HMGCLL1: variants seen among roughly 807,000 people sequenced by gnomAD.
HMGCLL1 encodes 3-hydroxy-3-methylglutaryl-CoA lyase like 1, also known as 3-hydroxymethyl-3-methylglutaryl-CoA lyase, cytoplasmic.
A neutral mutation model predicts 39.1 loss-of-function variants in HMGCLL1; 36 were observed. That is an observed-to-expected ratio of 0.92 (90% CI 0.71 to 1.22). The LOEUF (loss-of-function observed/expected upper bound fraction) is 1.22, where lower values mean the gene tolerates loss of function less well. Among genes scored for constraint, HMGCLL1 ranks in the 50% most tolerant of loss-of-function variants. The pLI is 0.00. For missense variants in HMGCLL1, 451 were observed against 416.5 expected (o/e 1.08, Z -0.72); for synonymous variants, 149 against 144.0 (o/e 1.03, Z -0.25).
At chr6:55,595,159 C>T in the HMGCLL1 span, among the ~76,000 whole-genome samples, 11 of 152,264 alleles carry the variant, frequency 7.2e-5, no homozygotes, top group Non-Finnish European at 1.2e-4. Flanking sequence ...GTACTGACCA[C>T]GTGAAAATCA....
chr6:55,519,762 AG>A (rs1232214194), intron 3 of HMGCLL1, among the ~76,000 whole-genome samples: 1 of 152,130 alleles, frequency 6.6e-6, no homozygotes, highest in African/African-American at 2.4e-5. Context: ...TGATAACAAA[AG>A]TTAATAAAGA....
intron 3 of HMGCLL1, among the ~76,000 whole-genome samples, chr6:55,520,009 A>G (rs2127440686): frequency 6.7e-6 from 1 of 149,834 alleles, no homozygotes; most frequent in African/African-American, 2.4e-5. Flanking sequence ...AAGAAAACCA[A>G]ACACCACATG....
intron 6 of HMGCLL1, among the ~76,000 whole-genome samples, chr6:55,498,660 G>A (rs534280694): frequency 1.3e-5 from 2 of 152,090 alleles, no homozygotes; most frequent in African/African-American, 4.8e-5. Context: ...GTATTCATTG[G>A]TATAAATAAA....
the HMGCLL1 span, among the ~76,000 whole-genome samples, chr6:55,641,865 A>T: frequency 0.011 from 1,504 of 138,028 alleles, 17 homozygotes; most frequent in African/African-American, 0.038. Flanking sequence ...CTTTTTTTTT[A>T]ATTTTTTTTT....
the HMGCLL1 span, among the ~76,000 whole-genome samples, chr6:55,650,133 A>AT: frequency 0.015 from 991 of 67,154 alleles, 22 homozygotes; most frequent in African/African-American, 0.017. Flanking sequence ...ATATATATAT[A>AT]TACACACACA....
the HMGCLL1 span, among the ~76,000 whole-genome samples, chr6:55,645,660 T>C: frequency 6.6e-6 from 1 of 151,980 alleles, no homozygotes; most frequent in Non-Finnish European, 1.5e-5. Flanking sequence ...AATGATTGTA[T>C]GGTTTTTGCC....
intron 7 of HMGCLL1, among the ~76,000 whole-genome samples, chr6:55,481,032 A>G (rs1477517233): frequency 1.3e-5 from 2 of 152,074 alleles, no homozygotes; most frequent in Non-Finnish European, 2.9e-5. Context: ...AAAAATATAG[A>G]AAGAATGAAT....
chr6:55,472,471 ATATT>A (rs1053061892), intron 7 of HMGCLL1, among the ~76,000 whole-genome samples: 2 of 80,364 alleles, frequency 2.5e-5, no homozygotes, highest in Admixed American at 1.4e-4. Flanking sequence ...TGACCTGTTA[ATATT>A]TATTTTATCA....
intron 7 of HMGCLL1, among the ~76,000 whole-genome samples, chr6:55,485,764 G>A (rs1013041979): frequency 4.6e-5 from 7 of 151,688 alleles, no homozygotes; most frequent in African/African-American, 1.5e-4. Flanking sequence ...AATCGAGTTG[G>A]CATACATTTT....
chr6:55,563,689 G>A (rs1388567776), intron 1 of HMGCLL1: 1 of 322,950 alleles, frequency 3.1e-6, no homozygotes, highest in South Asian at 2.8e-5. Context: ...CAAAGAACCT[G>A]ATACCAAAGT....
chr6:55,486,249 T>A (rs1057071447), intron 7 of HMGCLL1, among the ~76,000 whole-genome samples: 2 of 151,948 alleles, frequency 1.3e-5, no homozygotes, highest in Non-Finnish European at 1.5e-5. Flanking sequence ...ATTTAAAAAA[T>A]AATTTTTTAA....
chr6:55,548,410 C>A (rs1241255560), intron 1 of HMGCLL1, among the ~76,000 whole-genome samples: 1 of 151,978 alleles, frequency 6.6e-6, no homozygotes, highest in African/African-American at 2.4e-5. Flanking sequence ...GAAATATATA[C>A]ATTATATACA....
At chr6:55,638,887 T>A in the HMGCLL1 span, among the ~76,000 whole-genome samples, 1 of 152,208 alleles carries the variant, frequency 6.6e-6, no homozygotes, top group African/African-American at 2.4e-5. Context: ...TAATAAACAC[T>A]AAATTTATAC....
At chr6:55,641,546 A>G in the HMGCLL1 span, among the ~76,000 whole-genome samples, 2 of 151,986 alleles carry the variant, frequency 1.3e-5, no homozygotes, top group Non-Finnish European at 2.9e-5. Context: ...AAATAAGTAC[A>G]AGGATATACT....
intron 1 of HMGCLL1, among the ~76,000 whole-genome samples, chr6:55,577,704 T>C (rs1414531195): frequency 6.6e-6 from 1 of 152,130 alleles, no homozygotes; most frequent in Non-Finnish European, 1.5e-5. Flanking sequence ...ACTTAGGAAA[T>C]ATAAGTTAAT....
At chr6:55,601,565 T>A in the HMGCLL1 span, among the ~76,000 whole-genome samples, 1 of 152,138 alleles carries the variant, frequency 6.6e-6, no homozygotes, top group Non-Finnish European at 1.5e-5. Context: ...TTGAAGCCAC[T>A]GCAAAGGGCA....
chr6:55,540,063 G>C (rs1436069866), intron 3 of HMGCLL1, among the ~76,000 whole-genome samples: 1 of 144,968 alleles, frequency 6.9e-6, no homozygotes, highest in Non-Finnish European at 1.5e-5. Context: ...GGAAGCAAAG[G>C]AGGGAAGGGA....
intron 3 of HMGCLL1, among the ~76,000 whole-genome samples, chr6:55,516,977 T>A (rs1192476362): frequency 1.3e-5 from 2 of 152,112 alleles, no homozygotes; most frequent in Non-Finnish European, 2.9e-5. Flanking sequence ...ACCATACACA[T>A]GAAAATTTTA....
chr6:55,569,483 T>C (rs1771368916), intron 1 of HMGCLL1, among the ~76,000 whole-genome samples: 1 of 152,208 alleles, frequency 6.6e-6, no homozygotes, highest in Non-Finnish European at 1.5e-5. Context: ...ACTGGTATCA[T>C]GGCAAAAATT....
Sources: gnomAD v4.1 joint callset for allele counts (sites outside exome capture counted in the v4.1 genomes callset) on GRCh38, gnomAD v4.1.1 for gene constraint, MANE v1.5 for transcripts, NCBI Gene and HGNC (gene_info 2026-07-23, HGNC 2026-07-21) for gene names.